GPC5: variants seen among roughly 807,000 people sequenced by gnomAD.
GPC5 encodes glypican-5.
Under a neutral mutation model 53.9 loss-of-function variants are expected in GPC5, and 47 were observed. That is an observed-to-expected ratio of 0.87 (90% CI 0.69 to 1.11). GPC5 has a LOEUF of 1.11. GPC5 is among the 50% of genes most tolerant of loss of function. GPC5 has a pLI of 0.00. For synonymous variants in GPC5, 286 were observed against 263.3 expected, an observed-to-expected ratio of 1.09 and a Z score of -0.84; for missense variants, 748 against 713.1, an observed-to-expected ratio of 1.05 and a Z score of -0.56.
Position 92,477,131 on chromosome 13 carries a change from C to G in GPC5, c.1561+332142C>G, listed in dbSNP as rs1198229900. 6.6e-5 allele frequency among the ~76,000 whole-genome samples: 10 copies of G among 152,108 alleles called. 1 individual carries two copies. In the South Asian group the frequency reaches 1.9e-3, roughly 28 times the overall value. On this transcript the variant is annotated intron_variant, in intron 7 of 7. Coordinates refer to ENST00000377067, the MANE Select transcript of GPC5 (RefSeq NM_004466.6). The stretch of plus-strand genomic sequence containing the variant: ...TGAATCTGACACATTTAGTAATGAG[C>G]AAATCCTATTGTGTGCCCCAGTATT...
chr13:92,761,673 ACT>A (rs1182836329), intron 7 of GPC5, among the ~76,000 whole-genome samples: 1 of 151,910 alleles, frequency 6.6e-6, no homozygotes, highest in East Asian at 1.9e-4. Context: ...TCATTCAACC[ACT>A]CTATGTATTT....
chr13:91,564,993 T>TGGGG (rs66999708), intron 2 of GPC5, among the ~76,000 whole-genome samples: 2 of 117,938 alleles, frequency 1.7e-5, no homozygotes, highest in South Asian at 2.6e-4. Context: ...GGCTTTTTTT[T>TGGGG]GGGGGGGGGT....
chr13:91,871,475 C>A (rs1219308074), intron 5 of GPC5, among the ~76,000 whole-genome samples: 2 of 151,680 alleles, frequency 1.3e-5, no homozygotes, highest in East Asian at 3.9e-4. Flanking sequence ...TATGTAACAA[C>A]CCTTCACATG....
chr13:91,986,656 A>T (rs184923495), intron 6 of GPC5, among the ~76,000 whole-genome samples: 194 of 152,340 alleles, frequency 1.3e-3, no homozygotes, highest in African/African-American at 4.5e-3. Flanking sequence ...ATTACTTTGT[A>T]TAACAGTAAT....
chr13:91,772,864 G>C (rs1055004657), intron 5 of GPC5, among the ~76,000 whole-genome samples: 1 of 152,140 alleles, frequency 6.6e-6, no homozygotes, highest in Non-Finnish European at 1.5e-5. Flanking sequence ...AGATGATTCT[G>C]ATGAGCACAT....
intron 1 of GPC5, among the ~76,000 whole-genome samples, chr13:91,418,904 G>C (rs1409509922): frequency 6.6e-6 from 1 of 151,826 alleles, no homozygotes; most frequent in African/African-American, 2.4e-5. Context: ...ACAGGAACCT[G>C]TTAAGATATT....
chr13:92,277,450 C>T (rs747680019), intron 7 of GPC5, among the ~76,000 whole-genome samples: 1 of 151,908 alleles, frequency 6.6e-6, no homozygotes, highest in Non-Finnish European at 1.5e-5. Context: ...GGATGGTCAA[C>T]AATTAGGATA....
At chr13:92,562,720 C>A (rs1466223543) in intron 7 of GPC5, among the ~76,000 whole-genome samples, 1 of 151,980 alleles carries the variant, frequency 6.6e-6, no homozygotes, top group Non-Finnish European at 1.5e-5. Flanking sequence ...TTTCAAATAA[C>A]TATTCTGAGG....
At chr13:91,410,522 A>G (rs1370585260) in intron 1 of GPC5, among the ~76,000 whole-genome samples, 2 of 150,646 alleles carry the variant, frequency 1.3e-5, no homozygotes, top group Non-Finnish European at 3.0e-5. Flanking sequence ...ATTTTTTTGT[A>G]TTTTTAGTAG....
chr13:92,806,655 C>G (rs1241959606), intron 7 of GPC5, among the ~76,000 whole-genome samples: 1 of 151,982 alleles, frequency 6.6e-6, no homozygotes, highest in Non-Finnish European at 1.5e-5. Context: ...TGTTGTGTCT[C>G]AGAAAATAGG....
chr13:91,744,804 A>C (rs972830308), intron 4 of GPC5, among the ~76,000 whole-genome samples: 1 of 152,152 alleles, frequency 6.6e-6, no homozygotes, highest in African/African-American at 2.4e-5. Flanking sequence ...GGAATATTCA[A>C]GATTTGACCT....
At chr13:92,028,302 A>G (rs781667031) in intron 6 of GPC5, among the ~76,000 whole-genome samples, 2 of 152,176 alleles carry the variant, frequency 1.3e-5, no homozygotes, top group African/African-American at 2.4e-5. Context: ...TTTAATATAG[A>G]AACAGCAGGT....
At chr13:91,938,106 C>A (rs1209703550) in intron 6 of GPC5, among the ~76,000 whole-genome samples, 30 of 151,996 alleles carry the variant, frequency 2.0e-4, no homozygotes, top group Admixed American at 1.9e-3. Flanking sequence ...GTGTGTTAGT[C>A]TGTTTTCATT....
chr13:92,554,453 A>G (rs866517713), intron 7 of GPC5, among the ~76,000 whole-genome samples: 6 of 151,736 alleles, frequency 4.0e-5, no homozygotes, highest in Non-Finnish European at 7.4e-5. Context: ...ATGTATTTCT[A>G]TTGTATTTTC....
At chr13:92,337,719 C>T (rs1158833874) in intron 7 of GPC5, among the ~76,000 whole-genome samples, 1 of 152,066 alleles carries the variant, frequency 6.6e-6, no homozygotes, top group East Asian at 1.9e-4. Context: ...ATAGTCTTTT[C>T]AAGAAATGAT....
chr13:92,836,657 A>G (rs952377649), intron 7 of GPC5, among the ~76,000 whole-genome samples: 1 of 152,072 alleles, frequency 6.6e-6, no homozygotes, highest in Non-Finnish European at 1.5e-5. Context: ...ATTTTTGCAT[A>G]CAATTATTAA....
At chr13:92,072,988 A>G (rs563629750) in intron 6 of GPC5, among the ~76,000 whole-genome samples, 1 of 152,126 alleles carries the variant, frequency 6.6e-6, no homozygotes, top group South Asian at 2.1e-4. Flanking sequence ...AAATTATTTT[A>G]TTTGGGATTT....
In GPC5 at chr13:91,466,696, T is replaced by G. The variant is rs78272601; in HGVS notation, c.325+17774T>G. On this transcript the variant is annotated intron_variant, in intron 2 of 7. Transcript: ENST00000377067. ...TTCTAAGTATATTGAGAAGGAAAAT[T>G]TCAGAGGACTAGGTAACTGGTGATG... is the stretch of plus-strand genomic sequence containing the variant. 2.3e-3 allele frequency among the ~76,000 whole-genome samples: 352 copies of G among 151,998 alleles called. 1 individual carries two copies. The highest frequency in any genetic ancestry group is 8.0e-3 in the African/African-American group (333 of 41,458).
chr13:91,871,298 TA>T (rs368421731), intron 5 of GPC5, among the ~76,000 whole-genome samples: 56 of 151,866 alleles, frequency 3.7e-4, no homozygotes, highest in African/African-American at 1.2e-3. Context: ...AAGTGGGAGC[TA>T]AAGGATAAGA....
Sources: gnomAD v4.1 joint callset for allele counts (sites outside exome capture counted in the v4.1 genomes callset) on GRCh38, gnomAD v4.1.1 for gene constraint, MANE v1.5 for transcripts, NCBI Gene and HGNC (gene_info 2026-07-23, HGNC 2026-07-21) for gene names.